The following PTK2 variants were observed in gnomAD, a reference collection of about 807,000 sequenced individuals.
The protein encoded by PTK2 is protein tyrosine kinase 2, also known as focal adhesion kinase 1.
Under a neutral mutation model 150.1 loss-of-function variants are expected in PTK2, and 45 were observed. That is an observed-to-expected ratio of 0.30 (90% CI 0.24 to 0.38). The LOEUF is 0.38. Among genes scored for constraint, PTK2 ranks in the 10% least tolerant of loss-of-function variants. The pLI is 1.00. For synonymous variants in PTK2, 432 were observed against 449.2 expected (o/e 0.96, Z 0.48); for missense variants, 919 against 1,307.3 (o/e 0.70, Z 4.58).
chr8:140,904,881 T>C (rs2100160242), intron 2 of PTK2, among the ~76,000 whole-genome samples: 1 of 152,192 alleles, frequency 6.6e-6, no homozygotes, highest in South Asian at 2.1e-4. Flanking sequence ...TCTTTGATTC[T>C]TCTCTCTTTT....
intron 14 of PTK2, among the ~76,000 whole-genome samples, chr8:140,767,659 T>A (rs2100073101): frequency 6.6e-6 from 1 of 152,126 alleles, no homozygotes; most frequent in African/African-American, 2.4e-5. Flanking sequence ...TAATTTCTTG[T>A]ACCTTTTGTA....
At chr8:140,706,000 T>C in intron 24 of PTK2, 119 bp downstream of exon 27, 1 of 765,532 alleles carries the variant, frequency 1.3e-6, no homozygotes, top group Non-Finnish European at 2.0e-6. Context: ...TTTCTCAGCT[T>C]TCTATCGGCC....
At chr8:140,736,766 C>A (rs569758022) in intron 21 of PTK2, among the ~76,000 whole-genome samples, 2 of 152,252 alleles carry the variant, frequency 1.3e-5, no homozygotes, top group African/African-American at 4.8e-5. Context: ...TTTGTAGGTA[C>A]ATTTGTAATG....
chr8:140,730,870 G>A (rs1179022170), intron 22 of PTK2, among the ~76,000 whole-genome samples: 1 of 151,252 alleles, frequency 6.6e-6, no homozygotes, highest in Non-Finnish European at 1.5e-5. Flanking sequence ...CTGCAAAAAG[G>A]CAAATAATAA....
chr8:140,910,352 A>C (rs982937995), intron 2 of PTK2, among the ~76,000 whole-genome samples: 3 of 152,044 alleles, frequency 2.0e-5, no homozygotes, highest in African/African-American at 7.2e-5. Flanking sequence ...GACTACACAC[A>C]TCTCTCAATA....
intron 27 of PTK2, among the ~76,000 whole-genome samples, chr8:140,684,114 T>C (rs1412143765): frequency 3.9e-5 from 6 of 152,308 alleles, no homozygotes; most frequent in African/African-American, 9.6e-5. Context: ...GAAAACGCCA[T>C]AGTCTTGGCC....
intron 2 of PTK2, among the ~76,000 whole-genome samples, chr8:140,892,224 A>AAC (rs1053043536): frequency 2.2e-4 from 34 of 151,436 alleles, no homozygotes; most frequent in Admixed American, 7.2e-4. Context: ...CAAACGAACA[A>AAC]ACACACACAC....
At chr8:140,998,867 C>T (rs994597335) in intron 1 of PTK2, among the ~76,000 whole-genome samples, 1 of 151,878 alleles carries the variant, frequency 6.6e-6, no homozygotes, top group Non-Finnish European at 1.5e-5. Context: ...CTCCAACTCC[C>T]TAGAAAGAAC....
At chr8:140,903,117 T>TA (rs1394025305) in intron 2 of PTK2, among the ~76,000 whole-genome samples, 1 of 151,998 alleles carries the variant, frequency 6.6e-6, no homozygotes, top group Non-Finnish European at 1.5e-5. Flanking sequence ...TTTTAGGTCT[T>TA]ACGTTTAAGT....
chr8:140,732,683 T>C (rs776537523), intron 22 of PTK2: 4 of 432,604 alleles, frequency 9.2e-6, no homozygotes, highest in Non-Finnish European at 1.9e-5. Context: ...CCCCAGTGAC[T>C]AGCACCAGGC....
intron 1 of PTK2, among the ~76,000 whole-genome samples, chr8:140,940,373 C>G (rs557769563): frequency 6.6e-6 from 1 of 151,902 alleles, no homozygotes; most frequent in African/African-American, 2.4e-5. Context: ...GGCCTGAACC[C>G]GGGAAACGGA....
At chr8:140,988,978 G>A (rs1349230550) in intron 1 of PTK2, among the ~76,000 whole-genome samples, 12 of 149,942 alleles carry the variant, frequency 8.0e-5, no homozygotes, top group Non-Finnish European at 1.5e-5. Flanking sequence ...AATAACAGAG[G>A]AATTACTTCA....
At chr8:140,761,411 T>TA in intron 15 of PTK2, 149 bp from the exon 19 acceptor site, 1 of 713,010 alleles carries the variant, frequency 1.4e-6, no homozygotes, top group Non-Finnish European at 2.5e-6. Context: ...GGAATTCTCT[T>TA]AAACAATATT....
At chr8:140,751,697 G>A (rs141479803) in intron 17 of PTK2, among the ~76,000 whole-genome samples, 99 of 152,126 alleles carry the variant, frequency 6.5e-4, no homozygotes, top group African/African-American at 2.3e-3. Flanking sequence ...TCACCATGTT[G>A]GCCAGACTGG....
intron 2 of PTK2, among the ~76,000 whole-genome samples, chr8:140,905,122 T>G (rs775414958): frequency 6.6e-6 from 1 of 152,204 alleles, no homozygotes; most frequent in Non-Finnish European, 1.5e-5. Context: ...CTTTCTCTTA[T>G]GGACATTTAG....
At chr8:140,750,046 C>CT (rs2100061770) in intron 17 of PTK2, among the ~76,000 whole-genome samples, 1 of 152,146 alleles carries the variant, frequency 6.6e-6, no homozygotes, top group Non-Finnish European at 1.5e-5. Flanking sequence ...GTGATGATGA[C>CT]TGATGTGGTC....
intron 14 of PTK2, among the ~76,000 whole-genome samples, chr8:140,768,418 TA>T (rs1362049603): frequency 6.6e-6 from 1 of 152,218 alleles, no homozygotes; most frequent in African/African-American, 2.4e-5. Context: ...TTTTGATGCT[TA>T]CAGAGTAATC....
intron 8 of PTK2, among the ~76,000 whole-genome samples, chr8:140,827,542 T>A (rs911353595): frequency 2.0e-5 from 3 of 152,078 alleles, no homozygotes; most frequent in African/African-American, 7.2e-5. Context: ...GGGTTTTTTT[T>A]AGGGGGGTGG....
At chr8:140,722,049 G>C (rs1001953468) in intron 22 of PTK2, among the ~76,000 whole-genome samples, 9 of 152,206 alleles carry the variant, frequency 5.9e-5, no homozygotes, top group Admixed American at 2.0e-4. Flanking sequence ...ATAAATGACA[G>C]GTAAATGGAT....
Sources: allele counts gnomAD v4.1 joint callset (sites outside exome capture counted in the v4.1 genomes callset), GRCh38; gene constraint gnomAD v4.1.1; transcripts MANE v1.5; gene names NCBI Gene and HGNC (gene_info 2026-07-23, HGNC 2026-07-21).